The following OPCML variants were observed in gnomAD, a reference collection of about 807,000 sequenced individuals.
OPCML encodes opioid-binding protein/cell adhesion molecule.
In OPCML, 13 loss-of-function variants were observed where a neutral mutation model predicts 37.8. The observed-to-expected ratio is 0.34, with a 90% CI of 0.22 to 0.55. The LOEUF (loss-of-function observed/expected upper bound fraction) is 0.55, where lower values mean the gene tolerates loss of function less well. OPCML is among the 20% of genes least tolerant of loss of function. OPCML has a pLI of 0.91. For missense variants in OPCML, 341 were observed against 435.6 expected (o/e 0.78, Z 1.93); for synonymous variants, 176 against 168.8 (o/e 1.04, Z -0.33).
intron 1 of OPCML, chr11:133,025,333 G>C (rs970238429): frequency 1.0e-6 from 1 of 985,174 alleles, no homozygotes; most frequent in African/African-American, 1.7e-5. Context: ...GATGATTATG[G>C]CTGTTATTAA....
chr11:133,280,545 C>T (rs7934436), intron 1 of OPCML, among the ~76,000 whole-genome samples: 5,006 of 152,244 alleles, frequency 0.033, 249 homozygotes, highest in African/African-American at 0.11. Flanking sequence ...CTAACATTTG[C>T]GCATATCTCC....
At chr11:133,078,528 AAAT>A (rs1469842865) in intron 1 of OPCML, among the ~76,000 whole-genome samples, 1 of 152,208 alleles carries the variant, frequency 6.6e-6, no homozygotes, top group Non-Finnish European at 1.5e-5. Flanking sequence ...AGTGAAAAGG[AAAT>A]AATAATATAA....
chr11:133,124,433 T>C (rs1452590036), intron 1 of OPCML, among the ~76,000 whole-genome samples: 1 of 152,094 alleles, frequency 6.6e-6, no homozygotes, highest in African/African-American at 2.4e-5. Flanking sequence ...CATCACAGAT[T>C]CAGTGGCCCC....
intron 3 of OPCML, among the ~76,000 whole-genome samples, chr11:132,595,810 G>A (rs2096491575): frequency 6.6e-6 from 1 of 152,180 alleles, no homozygotes; most frequent in South Asian, 2.1e-4. Flanking sequence ...GCTTTCTTGG[G>A]CTATGTCAAA....
rs1943677883 is a variant in OPCML at position 133,333,751 on chromosome 11, G to T, written c.61+198513C>A. ...TTTGCAAACTATGCATCTGATAAAGGTCTAGTATCCAGCATCTATAAGGAA... is the reference window on the plus strand; with the variant it reads ...TTTGCAAACTATGCATCTGATAAAGTTCTAGTATCCAGCATCTATAAGGAA... On this transcript the variant is annotated intron_variant, in intron 1 of 7. Coordinates refer to ENST00000524381, the MANE Select transcript of OPCML (RefSeq NM_001012393.5). Among the ~76,000 whole-genome samples the T allele has an allele frequency of 3.9e-5, 6 of 152,200 alleles. No homozygotes were observed. The South Asian group carries it at 1.2e-3, about 32-fold the overall frequency.
intron 2 of OPCML, among the ~76,000 whole-genome samples, chr11:132,845,128 G>T (rs543431210): frequency 6.6e-6 from 1 of 152,090 alleles, no homozygotes; most frequent in Non-Finnish European, 1.5e-5. Flanking sequence ...GCCACAAGCA[G>T]ATCACTGTAA....
intron 2 of OPCML, among the ~76,000 whole-genome samples, chr11:132,696,353 T>C (rs779771378): frequency 6.6e-6 from 1 of 152,096 alleles, no homozygotes; most frequent in Non-Finnish European, 1.5e-5. Flanking sequence ...GCCTCACAAA[T>C]ATATATGACA....
chr11:133,295,076 G>C (rs59628660), intron 1 of OPCML, among the ~76,000 whole-genome samples: 1 of 151,540 alleles, frequency 6.6e-6, no homozygotes, highest in Non-Finnish European at 1.5e-5. Flanking sequence ...CACCTGCCTC[G>C]GCCTCCCAAA....
chr11:133,484,606 T>G (rs1055269755), intron 1 of OPCML, among the ~76,000 whole-genome samples: 1 of 152,164 alleles, frequency 6.6e-6, no homozygotes. Flanking sequence ...ACTTTTCAAA[T>G]TCATTTATAA....
intron 1 of OPCML, chr11:133,025,887 C>T (rs533586806): frequency 2.2e-4 from 36 of 167,414 alleles, no homozygotes; most frequent in Non-Finnish European, 3.4e-4. Flanking sequence ...GTGTGTGCCA[C>T]CAAGCCTGGC....
chr11:133,494,402 C>T (rs1947734598), intron 1 of OPCML, among the ~76,000 whole-genome samples: 1 of 151,736 alleles, frequency 6.6e-6, no homozygotes, highest in East Asian at 1.9e-4. Context: ...AATCATGCTG[C>T]TATAAAGACA....
chr11:132,574,769 T>C (rs566509667), intron 3 of OPCML, among the ~76,000 whole-genome samples: 1 of 152,120 alleles, frequency 6.6e-6, no homozygotes, highest in Non-Finnish European at 1.5e-5. Flanking sequence ...ATATGTCCAT[T>C]AGACTCATTT....
chr11:133,273,725 A>G (rs1212841683), intron 1 of OPCML, among the ~76,000 whole-genome samples: 1 of 152,090 alleles, frequency 6.6e-6, no homozygotes, highest in Non-Finnish European at 1.5e-5. Flanking sequence ...CTTTCCTAAA[A>G]TGGGGGCCAC....
intron 1 of OPCML, among the ~76,000 whole-genome samples, chr11:133,260,868 C>T (rs1005741418): frequency 1.6e-5 from 2 of 128,422 alleles, no homozygotes; most frequent in African/African-American, 3.4e-5. Context: ...TGCCTTAGTA[C>T]ATAGATTTTT....
At chr11:132,815,572 G>A (rs10894614) in intron 2 of OPCML, among the ~76,000 whole-genome samples, 37,173 of 152,004 alleles carry the variant, frequency 0.24, 5,188 homozygotes, top group East Asian at 0.56. Context: ...TTTCATGTTA[G>A]GTTTGTGTGA....
At chr11:132,505,261 T>C (rs1039208707) in intron 4 of OPCML, among the ~76,000 whole-genome samples, 1 of 151,890 alleles carries the variant, frequency 6.6e-6, no homozygotes, top group Non-Finnish European at 1.5e-5. Context: ...AAAAGGAAAA[T>C]AAAGACTAGT....
intron 1 of OPCML, among the ~76,000 whole-genome samples, chr11:133,476,804 G>A (rs1293099200): frequency 2.0e-5 from 3 of 152,122 alleles, no homozygotes; most frequent in African/African-American, 7.2e-5. Flanking sequence ...TCACACCCCC[G>A]CTGGCTCTCC....
intron 2 of OPCML, among the ~76,000 whole-genome samples, chr11:132,751,527 C>A (rs4937720): frequency 6.6e-6 from 1 of 152,150 alleles, no homozygotes; most frequent in Non-Finnish European, 1.5e-5. Context: ...GTAAGAGTCT[C>A]CATTTACTTA....
intron 1 of OPCML, among the ~76,000 whole-genome samples, chr11:133,503,771 C>G (rs1212753929): frequency 6.6e-6 from 1 of 152,130 alleles, no homozygotes; most frequent in Non-Finnish European, 1.5e-5. Flanking sequence ...ACTTCTATCT[C>G]AAAGATGAGC....
Sources: allele counts gnomAD v4.1 joint callset (sites outside exome capture counted in the v4.1 genomes callset), GRCh38; gene constraint gnomAD v4.1.1; transcripts MANE v1.5; gene names NCBI Gene and HGNC (gene_info 2026-07-23, HGNC 2026-07-21).